Variants in PIK3C2G observed in about 807,000 individuals in gnomAD.
PIK3C2G encodes phosphatidylinositol-4-phosphate 3-kinase catalytic subunit type 2 gamma, also known as phosphatidylinositol 3-kinase C2 domain-containing subunit gamma.
Under a neutral mutation model 181.1 loss-of-function variants are expected in PIK3C2G, and 168 were observed. That is an observed-to-expected ratio of 0.93 (90% confidence interval 0.82 to 1.05). The LOEUF (loss-of-function observed/expected upper bound fraction) is 1.05, where lower values mean the gene tolerates loss of function less well. Ranked by LOEUF, PIK3C2G falls within the 50% of genes least tolerant of loss-of-function variation. The probability of loss-of-function intolerance (pLI) is 0.00; values close to 1 mark genes in which losing one functional copy is unlikely to be tolerated. For missense variants in PIK3C2G, 1,869 were observed against 1,732.8 expected (o/e 1.08, Z -1.40); for synonymous variants, 573 against 592.2 (o/e 0.97, Z 0.47).
the PIK3C2G span, among the ~76,000 whole-genome samples, chr12:18,679,578 T>C: frequency 2.6e-5 from 4 of 152,022 alleles, no homozygotes; most frequent in Non-Finnish European, 2.9e-5. Context: ...CCTGTAAACA[T>C]TGCCTCAATG....
intron 15 of PIK3C2G, 72 bp from the exon 16 acceptor site, chr12:18,399,587 C>A: frequency 2.3e-6 from 2 of 866,902 alleles, no homozygotes; most frequent in South Asian, 2.6e-5. Context: ...AGGTTTTCTA[C>A]TGCATATTTA....
chr12:18,703,301 C>T, the PIK3C2G span, among the ~76,000 whole-genome samples: 1 of 152,052 alleles, frequency 6.6e-6, no homozygotes, highest in Non-Finnish European at 1.5e-5. Flanking sequence ...ATCATCAGCC[C>T]TATATGTCTT....
chr12:18,591,892 T>A lies in PIK3C2G; in HGVS notation c.4012-2602T>A, dbSNP rs183563619. ...TGATGTTGGAACTAGATGATATTAGTATACCTGGAAGAAGATGAATAGGTG... is the reference window on the plus strand; with the variant it reads ...TGATGTTGGAACTAGATGATATTAGAATACCTGGAAGAAGATGAATAGGTG... On this transcript the variant is annotated intron_variant, in intron 29 of 32. Coordinates refer to ENST00000538779, the MANE Select transcript of PIK3C2G (RefSeq NM_001288772.2). Among the ~76,000 whole-genome samples, 33 of 152,000 alleles carry A rather than the reference T, an allele frequency of 2.2e-4. No individual in the cohort carries two copies. In the East Asian group the frequency reaches 6.0e-3, roughly 28 times the overall value.
intron 8 of PIK3C2G, among the ~76,000 whole-genome samples, chr12:18,337,765 T>C (rs141783499): frequency 1.3e-5 from 2 of 152,272 alleles, no homozygotes; most frequent in Non-Finnish European, 2.9e-5. Context: ...ACTTCCAACA[T>C]TGAGGCTTAT....
chr12:18,665,956 G>A, the PIK3C2G span, among the ~76,000 whole-genome samples: 2 of 149,930 alleles, frequency 1.3e-5, no homozygotes, highest in Admixed American at 6.7e-5. Context: ...AAAACTAGTT[G>A]GGCGTGGTGG....
At chr12:18,380,306 C>T (rs1233029385) in intron 13 of PIK3C2G, among the ~76,000 whole-genome samples, 2 of 152,140 alleles carry the variant, frequency 1.3e-5, no homozygotes, top group Non-Finnish European at 2.9e-5. Context: ...GCACATCCTC[C>T]TCCCTCCTCA....
At chr12:18,693,792 C>T in the PIK3C2G span, 3 of 1,512,894 alleles carry the variant, frequency 2.0e-6, no homozygotes, top group South Asian at 2.2e-5. Context: ...ACTTTGGATC[C>T]AGCGCTTATC....
At chr12:18,446,926 C>T (rs1046790794) in intron 18 of PIK3C2G, among the ~76,000 whole-genome samples, 18 of 151,990 alleles carry the variant, frequency 1.2e-4, no homozygotes, top group Admixed American at 4.6e-4. Context: ...ATGCCACACA[C>T]GCTATAAAAT....
rs541236769 is a variant in PIK3C2G at position 18,426,136 on chromosome 12, T to C, written c.2504+2097T>C. On this transcript the variant is annotated intron_variant, in intron 18 of 32. Transcript: ENST00000538779. ...CATATTATTCATAGATGCATCATTT[T>C]TGAAATGTAGTATGTAAAAGTATTT... is the stretch of plus-strand genomic sequence containing the variant. Among the ~76,000 whole-genome samples the C allele has an allele frequency of 3.9e-5, 6 of 152,330 alleles. No homozygotes were observed. The South Asian group carries it at 1.2e-3, about 32-fold the overall frequency.
rs1949668941 is a variant in PIK3C2G, at chr12:18,291,020, A to G, written c.919+8A>G. On this transcript the variant is annotated splice_region_variant and intron_variant, in intron 4 of 32. Coordinates refer to ENST00000538779, the MANE Select transcript of PIK3C2G (RefSeq NM_001288772.2). Reference sequence around the variant, plus strand: ...TTCATTTTATGCCATGTGGTAAGCAACCTTGCAAATAAGTCTACAAATCTA... The same window carrying G: ...TTCATTTTATGCCATGTGGTAAGCAGCCTTGCAAATAAGTCTACAAATCTA... 2 of 1,578,496 alleles carry G rather than the reference A, an allele frequency of 1.3e-6. No individual in the cohort carries two copies. The highest frequency in any genetic ancestry group is 1.4e-5 in the African/African-American group (1 of 73,818).
chr12:18,720,856 A>T, the PIK3C2G span, among the ~76,000 whole-genome samples: 1 of 152,146 alleles, frequency 6.6e-6, no homozygotes, highest in Non-Finnish European at 1.5e-5. Flanking sequence ...AATACTAAGC[A>T]GCCATTAAGA....
chr12:18,662,131 G>C, the PIK3C2G span, among the ~76,000 whole-genome samples: 2 of 152,042 alleles, frequency 1.3e-5, no homozygotes, highest in African/African-American at 4.8e-5. Flanking sequence ...CTTGAAGATG[G>C]AAAGTGCAAG....
chr12:18,247,058 C>A (rs1398783863), upstream of PIK3C2G, among the ~76,000 whole-genome samples: 2 of 152,116 alleles, frequency 1.3e-5, no homozygotes, highest in Non-Finnish European at 2.9e-5. Flanking sequence ...AAATTTTTCT[C>A]ACTGCAAGAC....
chr12:18,515,900 T>C (rs1278607727), intron 24 of PIK3C2G, among the ~76,000 whole-genome samples: 6 of 152,028 alleles, frequency 3.9e-5, no homozygotes, highest in African/African-American at 1.4e-4. Context: ...CAGATTCTAG[T>C]AGGTTGTGTT....
chr12:18,344,348 G>C (rs1263505723), intron 10 of PIK3C2G, among the ~76,000 whole-genome samples: 1 of 152,074 alleles, frequency 6.6e-6, no homozygotes, highest in East Asian at 1.9e-4. Flanking sequence ...ACTCAATTAA[G>C]TTTGAGGAAC....
At position 18,640,436 on chromosome 12, in the gene PIK3C2G, C is replaced by G. The variant is rs199960350; in HGVS notation, c.4190C>G (p.Pro1397Arg). 133 of 1,609,604 alleles carry G rather than the reference C, an allele frequency of 8.3e-5. No individual in the cohort carries two copies. In the African/African-American group the frequency reaches 1.3e-3, roughly 16 times the overall value. Residue 1397 changes from proline (P) to arginine (R), a missense_variant, in exon 32 of 33, where the codon CCA (proline) becomes CGA (arginine). Pro to Arg is a moderately radical substitution (Grantham distance 103, BLOSUM62 -2). Transcript: ENST00000538779. ...LVKHMKNIHL[P>R]DGSAPSAHVE... ...AACCATTTTCCTTTGCAGCATCTCCCAGATGGCTCTGCGCCCAGTGCACAT... is the reference window on the plus strand; with the variant it reads ...AACCATTTTCCTTTGCAGCATCTCCGAGATGGCTCTGCGCCCAGTGCACAT...
intron 31 of PIK3C2G, among the ~76,000 whole-genome samples, chr12:18,635,497 G>A (rs998886455): frequency 3.9e-5 from 6 of 152,158 alleles, no homozygotes; most frequent in Admixed American, 1.3e-4. Context: ...GGTGGCCCAC[G>A]GTTGAGCATT....
At chr12:18,323,913 AG>A (rs1045276930) in intron 7 of PIK3C2G, among the ~76,000 whole-genome samples, 14 of 152,154 alleles carry the variant, frequency 9.2e-5, no homozygotes, top group Non-Finnish European at 1.6e-4. Context: ...TAATAGTTTC[AG>A]GTTTTATATA....
chr12:18,639,985 AATATAC>A (rs556105633), intron 31 of PIK3C2G, among the ~76,000 whole-genome samples: 29 of 151,632 alleles, frequency 1.9e-4, no homozygotes, highest in Non-Finnish European at 3.5e-4. Context: ...GATATTATAT[AATATAC>A]ATATACATAT....
Sources: allele counts gnomAD v4.1 joint callset (sites outside exome capture counted in the v4.1 genomes callset), GRCh38; gene constraint gnomAD v4.1.1; transcripts MANE v1.5; gene names NCBI Gene and HGNC (gene_info 2026-07-23, HGNC 2026-07-21).